Variants in MEIKIN observed in about 807,000 individuals in gnomAD.
MEIKIN encodes meiosis-specific kinetochore protein.
intron 4 of MEIKIN, among the ~76,000 whole-genome samples, chr5:131,941,114 G>A (rs917324243): frequency 2.2e-5 from 3 of 135,800 alleles, no homozygotes; most frequent in South Asian, 2.4e-4. Context: ...TTAATCCATC[G>A]CCTTGACAAT....
intron 11 of MEIKIN, among the ~76,000 whole-genome samples, chr5:131,850,649 A>AC (rs1750099269): frequency 6.6e-6 from 1 of 152,164 alleles, no homozygotes; most frequent in Admixed American, 6.5e-5. Context: ...CTGGACCCTT[A>AC]CCTAATACTA....
chr5:131,846,787 C>T (rs1046650962), intron 11 of MEIKIN, among the ~76,000 whole-genome samples: 1 of 152,130 alleles, frequency 6.6e-6, no homozygotes, highest in African/African-American at 2.4e-5. Context: ...TGCCACTACA[C>T]TCAGCCTGGG....
intron 11 of MEIKIN, among the ~76,000 whole-genome samples, chr5:131,831,094 C>T (rs573991258): frequency 1.4e-3 from 206 of 152,272 alleles, no homozygotes; most frequent in African/African-American, 4.7e-3. Context: ...GACAAGGTTT[C>T]GCCATATTGG....
chr5:131,915,478 C>T lies in MEIKIN; in HGVS notation c.638+1408G>A, dbSNP rs1397917117. Among the ~76,000 whole-genome samples the T allele has an allele frequency of 2.0e-5, 3 of 152,124 alleles. No homozygotes were observed. In the East Asian group the frequency reaches 5.8e-4, roughly 29 times the overall value. The stretch of plus-strand genomic sequence containing the variant: ...GCTACAAGGCTACGTAAGGTCTGCC[C>T]CTATTCCTAAACACTTAACATTTAG... On this transcript the variant is annotated intron_variant, in intron 7 of 12. Coordinates refer to ENST00000442687, the MANE Select transcript of MEIKIN (RefSeq NM_001303622.2).
intron 4 of MEIKIN, among the ~76,000 whole-genome samples, chr5:131,939,603 G>A (rs948218461): frequency 2.0e-5 from 3 of 152,034 alleles, no homozygotes; most frequent in Non-Finnish European, 4.4e-5. Context: ...TTTTCAACGT[G>A]TTATAAAGTT....
At chr5:131,808,612 G>C (rs1325062316) in intron 12 of MEIKIN, among the ~76,000 whole-genome samples, 1 of 152,160 alleles carries the variant, frequency 6.6e-6, no homozygotes, top group Non-Finnish European at 1.5e-5. Flanking sequence ...TTATTTATAA[G>C]TTCCTCTGGT....
intron 8 of MEIKIN, among the ~76,000 whole-genome samples, chr5:131,883,607 A>G (rs868073031): frequency 2.6e-5 from 4 of 152,256 alleles, no homozygotes; most frequent in African/African-American, 9.6e-5. Context: ...ACAAAGCAAG[A>G]TGGCCGAACA....
rs1773117622 is a variant in MEIKIN at position 131,817,265 on chromosome 5, A to G, written c.1099+1475T>C. On this transcript the variant is annotated intron_variant, in intron 12 of 12. Coordinates refer to ENST00000442687, the MANE Select transcript of MEIKIN (RefSeq NM_001303622.2). ...TCTGGTTCTCCAGCTGGCAGATGGC[A>G]TATCATGGAACTTTTCAGCCTCCAT... Among the ~76,000 whole-genome samples the G allele has an allele frequency of 2.0e-5, 3 of 152,076 alleles. No individual in the cohort carries two copies. The South Asian group carries it at 6.2e-4, about 32-fold the overall frequency.
intron 11 of MEIKIN, among the ~76,000 whole-genome samples, chr5:131,840,569 A>G (rs1749887857): frequency 1.3e-5 from 2 of 152,020 alleles, no homozygotes; most frequent in Admixed American, 1.3e-4. Context: ...CTCTATTCTT[A>G]GCTGTCTTAT....
intron 4 of MEIKIN, among the ~76,000 whole-genome samples, chr5:131,939,549 T>A (rs946120538): frequency 2.0e-5 from 3 of 152,164 alleles, no homozygotes; most frequent in African/African-American, 7.2e-5. Flanking sequence ...GAGAAGTAAA[T>A]GTGTATTCAA....
At chr5:131,859,405 A>G (rs1750246155) in intron 9 of MEIKIN, among the ~76,000 whole-genome samples, 1 of 152,190 alleles carries the variant, frequency 6.6e-6, no homozygotes, top group African/African-American at 2.4e-5. Flanking sequence ...AGGTTATTGG[A>G]TAATGGGGAT....
intron 11 of MEIKIN, among the ~76,000 whole-genome samples, chr5:131,849,850 A>T (rs1750081336): frequency 6.6e-6 from 1 of 151,988 alleles, no homozygotes; most frequent in South Asian, 2.1e-4. Flanking sequence ...AAAAGAAATA[A>T]AAGGCATCCA....
At chr5:131,868,022 A>T (rs1216335441) in intron 9 of MEIKIN, among the ~76,000 whole-genome samples, 2 of 152,218 alleles carry the variant, frequency 1.3e-5, no homozygotes, top group Non-Finnish European at 2.9e-5. Context: ...CACATCCTCC[A>T]GCATTTGGTG....
At chr5:131,892,352 C>T (rs1360738658) in intron 8 of MEIKIN, among the ~76,000 whole-genome samples, 2 of 152,210 alleles carry the variant, frequency 1.3e-5, no homozygotes, top group African/African-American at 2.4e-5. Context: ...TTCAGGTACA[C>T]CAATCAGACG....
chr5:131,920,193 C>T (rs1187410656), intron 6 of MEIKIN, among the ~76,000 whole-genome samples: 16 of 152,168 alleles, frequency 1.1e-4, no homozygotes, highest in South Asian at 2.1e-4. Context: ...AATAAATGAA[C>T]GAATGATGAA....
intron 8 of MEIKIN, among the ~76,000 whole-genome samples, chr5:131,891,662 T>C (rs191226330): frequency 2.0e-5 from 3 of 152,348 alleles, no homozygotes; most frequent in African/African-American, 4.8e-5. Flanking sequence ...GTCTTGACTC[T>C]TTATCCAATT....
chr5:131,860,194 G>A (rs1261383991), intron 9 of MEIKIN, among the ~76,000 whole-genome samples: 1 of 150,358 alleles, frequency 6.7e-6, no homozygotes, highest in Non-Finnish European at 1.5e-5. Context: ...AGCATGAGAT[G>A]TCTTGTTTCT....
At chr5:131,914,445 C>A in intron 7 of MEIKIN, among the ~76,000 whole-genome samples, 1 of 129,394 alleles carries the variant, frequency 7.7e-6, no homozygotes, top group Non-Finnish European at 1.6e-5. Flanking sequence ...GATGGACAGA[C>A]AGATGGAAGG....
chr5:131,826,086 CTTTTT>C (rs35951729), intron 11 of MEIKIN, among the ~76,000 whole-genome samples: 2 of 124,990 alleles, frequency 1.6e-5, no homozygotes, highest in African/African-American at 3.0e-5. Flanking sequence ...TTCTTGTTTT[CTTTTT>C]TTTTTTTTTT....
Sources: allele counts gnomAD v4.1 joint callset (sites outside exome capture counted in the v4.1 genomes callset), GRCh38; gene constraint gnomAD v4.1.1; transcripts MANE v1.5; gene names NCBI Gene and HGNC (gene_info 2026-07-23, HGNC 2026-07-21).